Variants in CSMD3 observed in about 807,000 individuals in gnomAD.
CSMD3 encodes the protein CUB and sushi domain-containing protein 3.
Under a neutral mutation model 435.2 loss-of-function variants are expected in CSMD3, and 177 were observed. That is an observed-to-expected ratio of 0.41 (90% CI 0.36 to 0.46). CSMD3 has a LOEUF of 0.46. CSMD3 is among the 20% of genes least tolerant of loss of function. The probability of loss-of-function intolerance (pLI) is 0.34; values close to 1 mark genes in which losing one functional copy is unlikely to be tolerated. For synonymous variants in CSMD3, 1,656 were observed against 1,520.5 expected, an observed-to-expected ratio of 1.09 and a Z score of -2.07; for missense variants, 4,265 against 4,504.6, an observed-to-expected ratio of 0.95 and a Z score of 1.52.
chr8:112,751,048 G>C (rs1761072092), intron 13 of CSMD3, among the ~76,000 whole-genome samples: 1 of 149,214 alleles, frequency 6.7e-6, no homozygotes, highest in Admixed American at 6.7e-5. Context: ...AGTATACCAA[G>C]GGATGACAGT....
intron 4 of CSMD3, among the ~76,000 whole-genome samples, chr8:113,128,528 T>C (rs529039879): frequency 6.6e-6 from 1 of 152,124 alleles, no homozygotes; most frequent in East Asian, 1.9e-4. Context: ...TATTACACTA[T>C]GTAGAATTTA....
intron 27 of CSMD3, among the ~76,000 whole-genome samples, chr8:112,527,933 A>G (rs1032442467): frequency 6.6e-6 from 1 of 152,144 alleles, no homozygotes; most frequent in Non-Finnish European, 1.5e-5. Flanking sequence ...CTGGCATATT[A>G]ACACTCTTCA....
chr8:112,410,654 ATATATATG>A (rs1309478622), intron 32 of CSMD3, among the ~76,000 whole-genome samples: 12 of 124,514 alleles, frequency 9.6e-5, no homozygotes, highest in Admixed American at 3.4e-4. Context: ...ATATATGTGT[ATATATATG>A]TATATATATA....
chr8:113,126,552 G>C (rs1299995217), intron 4 of CSMD3, among the ~76,000 whole-genome samples: 1 of 151,788 alleles, frequency 6.6e-6, no homozygotes, highest in Non-Finnish European at 1.5e-5. Context: ...ATTAATAAAG[G>C]CAATTTTGAT....
chr8:113,292,250 A>G (rs1302533979), intron 2 of CSMD3, among the ~76,000 whole-genome samples: 2 of 151,740 alleles, frequency 1.3e-5, no homozygotes, highest in African/African-American at 4.8e-5. Context: ...TAAAAAATTT[A>G]TAAGTTATTG....
intron 13 of CSMD3, among the ~76,000 whole-genome samples, chr8:112,767,841 C>A (rs1332941305): frequency 6.6e-6 from 1 of 151,872 alleles, no homozygotes; most frequent in East Asian, 1.9e-4. Context: ...AAGCCCCTTT[C>A]CCTCTGCTAG....
At chr8:112,846,117 CTTAT>C (rs1429942999) in intron 11 of CSMD3, among the ~76,000 whole-genome samples, 2 of 151,520 alleles carry the variant, frequency 1.3e-5, no homozygotes, top group Non-Finnish European at 2.9e-5. Flanking sequence ...AAGCATATAT[CTTAT>C]TTGATACTTT....
chr8:112,356,843 G>T (rs1049535961), intron 38 of CSMD3, among the ~76,000 whole-genome samples: 13 of 152,024 alleles, frequency 8.6e-5, no homozygotes, highest in African/African-American at 2.9e-4. Context: ...TGATTATGAG[G>T]CTTCACCAGC....
intron 17 of CSMD3, among the ~76,000 whole-genome samples, chr8:112,665,347 T>C (rs919435596): frequency 1.3e-5 from 2 of 152,180 alleles, no homozygotes; most frequent in Non-Finnish European, 2.9e-5. Context: ...GTTTTTGTTT[T>C]AACAGTAGAA....
chr8:112,397,954 A>T (rs1381080222), intron 35 of CSMD3, among the ~76,000 whole-genome samples: 1 of 152,218 alleles, frequency 6.6e-6, no homozygotes, highest in African/African-American at 2.4e-5. Context: ...TGTCAATCAC[A>T]TATGGGTGAC....
chr8:113,053,929 C>G (rs2088205812), intron 5 of CSMD3, among the ~76,000 whole-genome samples: 1 of 152,126 alleles, frequency 6.6e-6, no homozygotes, highest in Admixed American at 6.6e-5. Context: ...ATGTTATTTT[C>G]TCCAGCAAAA....
intron 4 of CSMD3, among the ~76,000 whole-genome samples, chr8:113,140,798 A>G (rs149888178): frequency 6.0e-5 from 9 of 151,122 alleles, no homozygotes; most frequent in African/African-American, 1.9e-4. Flanking sequence ...CATATGTTAT[A>G]AAAGAGGAAA....
chr8:112,789,775 C>G (rs1008421784), intron 13 of CSMD3, among the ~76,000 whole-genome samples: 8 of 151,844 alleles, frequency 5.3e-5, no homozygotes, highest in Non-Finnish European at 5.9e-5. Flanking sequence ...TTGGATTTCA[C>G]TTGAGTTAAA....
chr8:112,761,011 G>A (rs1242949490), intron 13 of CSMD3, among the ~76,000 whole-genome samples: 1 of 152,126 alleles, frequency 6.6e-6, no homozygotes, highest in Non-Finnish European at 1.5e-5. Context: ...GTACAAGAAT[G>A]TCCATGACAA....
chr8:113,428,912 T>A (rs879726633), intron 1 of CSMD3, among the ~76,000 whole-genome samples: 4 of 151,794 alleles, frequency 2.6e-5, no homozygotes, highest in Non-Finnish European at 4.4e-5. Context: ...AGTTAAAAAA[T>A]CCTCCCTATT....
rs141547144 is a variant in CSMD3 at position 112,492,116 on chromosome 8, C to T, written c.5278+373G>A. Among the ~76,000 whole-genome samples, 750 of 152,146 alleles carry T rather than the reference C, an allele frequency of 4.9e-3. 12 individuals carry two copies. Among genetic ancestry groups the T allele is most frequent in the Non-Finnish European group, 5.4e-3 (366 of 68,024 alleles). Reference sequence around the variant, plus strand: ...ATATTTAAATTATTAAATTTATCTACTTGTGTTGAAATGTTAGTTTCAGTG... The same window carrying T: ...ATATTTAAATTATTAAATTTATCTATTTGTGTTGAAATGTTAGTTTCAGTG... On this transcript the variant is annotated intron_variant, in intron 31 of 70. Transcript: ENST00000297405.
At chr8:113,135,936 T>C (rs1487804091) in intron 4 of CSMD3, among the ~76,000 whole-genome samples, 1 of 151,862 alleles carries the variant, frequency 6.6e-6, no homozygotes, top group Non-Finnish European at 1.5e-5. Flanking sequence ...GTTTCTCTGA[T>C]TATTGTTGCA....
chr8:112,505,442 A>G (rs921033987), intron 29 of CSMD3, among the ~76,000 whole-genome samples: 2 of 152,260 alleles, frequency 1.3e-5, no homozygotes, highest in South Asian at 4.1e-4. Context: ...GATGGTAATT[A>G]CAACTTCCTT....
intron 3 of CSMD3, among the ~76,000 whole-genome samples, chr8:113,222,174 T>C (rs924231017): frequency 6.6e-6 from 1 of 151,280 alleles, no homozygotes; most frequent in African/African-American, 2.4e-5. Context: ...GTAGACATAA[T>C]TCTAAAAATT....
Sources: gnomAD v4.1 joint callset for allele counts (sites outside exome capture counted in the v4.1 genomes callset) on GRCh38, gnomAD v4.1.1 for gene constraint, MANE v1.5 for transcripts, NCBI Gene and HGNC (gene_info 2026-07-23, HGNC 2026-07-21) for gene names.